DKK2: variants seen among roughly 807,000 people sequenced by gnomAD.
The protein encoded by DKK2 is dickkopf Wnt signaling pathway inhibitor 2.
In DKK2, 11 loss-of-function variants were observed where a neutral mutation model predicts 28.1. That is an observed-to-expected ratio of 0.39 (90% CI 0.25 to 0.65). The LOEUF (loss-of-function observed/expected upper bound fraction) is 0.65, where lower values mean the gene tolerates loss of function less well. Among genes scored for constraint, DKK2 ranks in the 30% least tolerant of loss-of-function variants. The pLI is 0.47. For missense variants in DKK2, 326 were observed against 335.5 expected (o/e 0.97, Z 0.22); for synonymous variants, 135 against 126.5 (o/e 1.07, Z -0.45).
intron 1 of DKK2, among the ~76,000 whole-genome samples, chr4:106,953,474 G>A (rs1404989164): frequency 6.6e-6 from 1 of 152,120 alleles, no homozygotes; most frequent in African/African-American, 2.4e-5. Flanking sequence ...ACAAAGATAT[G>A]GGGTGGGGAG....
At chr4:106,986,241 A>G (rs1402857658) in intron 1 of DKK2, among the ~76,000 whole-genome samples, 1 of 152,214 alleles carries the variant, frequency 6.6e-6, no homozygotes. Context: ...TCCTGGAGGC[A>G]TGTTAAGAAG....
intron 1 of DKK2, among the ~76,000 whole-genome samples, chr4:106,986,858 C>T (rs1376130343): frequency 6.6e-6 from 1 of 152,226 alleles, no homozygotes; most frequent in Non-Finnish European, 1.5e-5. Flanking sequence ...AGCTCTCCCC[C>T]TATTGTTCCC....
At chr4:107,001,456 C>T (rs1266988364) in intron 1 of DKK2, among the ~76,000 whole-genome samples, 3 of 152,070 alleles carry the variant, frequency 2.0e-5, no homozygotes, top group Non-Finnish European at 4.4e-5. Flanking sequence ...TCTAAATAAG[C>T]AATTTAACTC....
rs1432890532 is a variant in DKK2 at position 106,968,034 on chromosome 4, AAAGG to A, written c.223-42089_223-42086del. Among the ~76,000 whole-genome samples, 9 of 150,812 alleles carry A rather than the reference AAAGG, an allele frequency of 6.0e-5. 1 individual carries two copies. The highest frequency in any genetic ancestry group is 2.2e-4 in the African/African-American group (9 of 41,024). On this transcript the variant is annotated intron_variant, in intron 1 of 3. Transcript: ENST00000285311. ...GAGATGAAGGCAGGAAGGAAGGAAA[AAAGG>A]AAGGGAGAAAACGGAGGAATGAAGA...
At chr4:106,947,979 G>A (rs1434074801) in intron 1 of DKK2, among the ~76,000 whole-genome samples, 1 of 152,040 alleles carries the variant, frequency 6.6e-6, no homozygotes, top group Non-Finnish European at 1.5e-5. Flanking sequence ...AAACTGCTCG[G>A]TGGCATTTTG....
intron 1 of DKK2, among the ~76,000 whole-genome samples, chr4:107,010,006 C>A (rs1723494301): frequency 6.6e-6 from 1 of 151,604 alleles, no homozygotes; most frequent in African/African-American, 2.4e-5. Context: ...TCTAGGGATC[C>A]CAAAGCATTT....
Position 106,922,231 on chromosome 4 carries a change from T to C in DKK2, c.*1723A>G, listed in dbSNP as rs549971521. 6.6e-5 allele frequency: 10 copies of C among 152,320 alleles called. No homozygotes were observed. Among genetic ancestry groups the C allele is most frequent in the African/African-American group, 2.2e-4 (9 of 41,572 alleles). The allele number at this position is 152,320 out of a possible 1,614,324, so 9.4% of individuals were successfully genotyped here. A position where few individuals can be genotyped will look rare whatever the true frequency, so the allele number is the denominator to read the frequency against. On this transcript the variant is annotated 3_prime_UTR_variant, in exon 4 of 4. Coordinates refer to ENST00000285311, the MANE Select transcript of DKK2 (RefSeq NM_014421.3). ...TGAAATTTTTAATAGATATACAGGC[T>C]CAAACTCAATCTCTACTGGGAGAAC...
intron 1 of DKK2, among the ~76,000 whole-genome samples, chr4:106,951,479 G>A (rs1724858099): frequency 6.6e-6 from 1 of 152,070 alleles, no homozygotes; most frequent in African/African-American, 2.4e-5. Context: ...GTGGCATATA[G>A]ACACAATGCA....
chr4:107,034,678 C>T (rs566321520), intron 1 of DKK2, among the ~76,000 whole-genome samples: 1 of 152,110 alleles, frequency 6.6e-6, no homozygotes, highest in Non-Finnish European at 1.5e-5. Flanking sequence ...TACAATTCTG[C>T]GTGAGTGAGA....
chr4:106,933,376 C>T (rs2110340852), intron 1 of DKK2, among the ~76,000 whole-genome samples: 1 of 152,254 alleles, frequency 6.6e-6, no homozygotes, highest in East Asian at 1.9e-4. Flanking sequence ...CAACAATTTC[C>T]AGGAAGGTTC....
At chr4:107,016,320 T>C (rs192120508) in intron 1 of DKK2, among the ~76,000 whole-genome samples, 5 of 152,072 alleles carry the variant, frequency 3.3e-5, no homozygotes, top group African/African-American at 7.2e-5. Context: ...TCTATTGTTA[T>C]AGAGCAAGTT....
intron 1 of DKK2, among the ~76,000 whole-genome samples, chr4:106,927,258 A>G (rs1023329740): frequency 2.0e-5 from 3 of 150,808 alleles, no homozygotes; most frequent in African/African-American, 7.3e-5. Flanking sequence ...TATTTCTTTT[A>G]CTCTTTCCCT....
chr4:107,027,155 G>A (rs1245448208), intron 1 of DKK2, among the ~76,000 whole-genome samples: 2 of 152,114 alleles, frequency 1.3e-5, no homozygotes, highest in African/African-American at 4.8e-5. Flanking sequence ...AAAAGACTCT[G>A]GATTTCAGAA....
At chr4:106,927,392 G>A (rs1255828320) in intron 1 of DKK2, among the ~76,000 whole-genome samples, 1 of 152,096 alleles carries the variant, frequency 6.6e-6, no homozygotes, top group Non-Finnish European at 1.5e-5. Flanking sequence ...TGAAGTTTAT[G>A]TACGAGTCTG....
chr4:107,027,280 C>T (rs1021731800), intron 1 of DKK2, among the ~76,000 whole-genome samples: 2 of 152,076 alleles, frequency 1.3e-5, no homozygotes, highest in African/African-American at 4.8e-5. Flanking sequence ...TAATTCTTCC[C>T]TCTGCCTCTC....
At chr4:107,010,559 T>A (rs934310719) in intron 1 of DKK2, among the ~76,000 whole-genome samples, 3 of 151,542 alleles carry the variant, frequency 2.0e-5, no homozygotes. Context: ...AAGTATGTGG[T>A]CCAACTTTAG....
At chr4:106,926,665 G>A (rs1278161953) in intron 1 of DKK2, among the ~76,000 whole-genome samples, 3 of 151,996 alleles carry the variant, frequency 2.0e-5, no homozygotes, top group African/African-American at 7.2e-5. Context: ...ACCTGAAATA[G>A]CCCCACAGGC....
intron 1 of DKK2, among the ~76,000 whole-genome samples, chr4:106,993,557 G>T (rs1007669101): frequency 2.0e-5 from 3 of 152,008 alleles, no homozygotes; most frequent in African/African-American, 7.2e-5. Flanking sequence ...AGCTATTAGG[G>T]ATTAAAGGGG....
chr4:106,924,046 G>T lies in DKK2; in HGVS notation c.688C>A (p.Arg230Ser). 1 of 1,613,868 alleles carries T rather than the reference G, an allele frequency of 6.2e-7. No individual in the cohort carries two copies. Among genetic ancestry groups the T allele is most frequent in the Non-Finnish European group, 8.5e-7 (1 of 1,179,912 alleles). Reference sequence around the variant, plus strand: ...GACAGGCCCTTCGCACAGTCGCAACGCTGGAAAATTTCCAGCCCATGAGAA... The same window carrying T: ...GACAGGCCCTTCGCACAGTCGCAACTCTGGAAAATTTCCAGCCCATGAGAA... ...KGSHGLEIFQ[R>S]CDCAKGLSCK... The change falls in exon 4 of 4, where the codon CGT becomes AGT. Residue 230 changes from arginine (R) to serine (S), a missense_variant. Coordinates refer to ENST00000285311, the MANE Select transcript of DKK2 (RefSeq NM_014421.3).
Sources: gnomAD v4.1 joint callset for allele counts (sites outside exome capture counted in the v4.1 genomes callset) on GRCh38, gnomAD v4.1.1 for gene constraint, MANE v1.5 for transcripts, NCBI Gene and HGNC (gene_info 2026-07-23, HGNC 2026-07-21) for gene names.